MICAL2: variants seen among roughly 807,000 people sequenced by gnomAD.
MICAL2 encodes the protein microtubule associated monooxygenase, calponin and LIM domain containing 2.
MICAL2 carries 77 observed loss-of-function variants against 127.3 expected under a neutral mutation model. That is an observed-to-expected ratio of 0.60 (90% CI 0.50 to 0.73). The LOEUF is 0.73. Among genes scored for constraint, MICAL2 ranks in the 30% least tolerant of loss-of-function variants. The pLI is 0.00. For synonymous variants in MICAL2, 570 were observed against 551.1 expected, an observed-to-expected ratio of 1.03 and a Z score of -0.48; for missense variants, 1,351 against 1,434.4, an observed-to-expected ratio of 0.94 and a Z score of 0.94.
Position 12,262,494 on chromosome 11 carries a change from C to G in MICAL2, c.3349C>G (p.Pro1117Ala), listed in dbSNP as rs970574548. 3.7e-6 allele frequency: 6 copies of G among 1,613,880 alleles called. No individual in the cohort carries two copies. Among genetic ancestry groups the G allele is most frequent in the Non-Finnish European group, 5.1e-6 (6 of 1,179,998 alleles). ...ATGGCCATCAGTTCATTTCAGCCTTCCAGTGCTACACCCACTTCTTGGCTG... is the reference window on the plus strand; with the variant it reads ...ATGGCCATCAGTTCATTTCAGCCTTGCAGTGCTACACCCACTTCTTGGCTG... ...EGSPPVHFSLPVLHPLLG is the reference protein window; with the variant it reads ...EGSPPVHFSLAVLHPLLG The change falls in exon 27 of 28, where the codon CCA becomes GCA. Residue 1117 changes from proline (P) to alanine (A), a missense_variant. Physicochemically the swap from Pro to Ala is conservative, Grantham distance 27 (BLOSUM62 -1). Transcript: ENST00000683283.
intron 15 of MICAL2, among the ~76,000 whole-genome samples, chr11:12,227,927 G>A (rs1455504887): frequency 2.0e-5 from 3 of 152,220 alleles, no homozygotes; most frequent in Non-Finnish European, 2.9e-5. Context: ...ATGGGACACA[G>A]TTTGGGCATC....
At chr11:12,290,820 T>C (rs1565295137), downstream of MICAL2, among the ~76,000 whole-genome samples, 2 of 152,074 alleles carry the variant, frequency 1.3e-5, no homozygotes, top group Non-Finnish European at 2.9e-5. Flanking sequence ...CGCATTGATG[T>C]ATGGGGGAAG....
At chr11:12,149,881 C>T (rs756130591) in intron 2 of MICAL2, among the ~76,000 whole-genome samples, 18 of 152,156 alleles carry the variant, frequency 1.2e-4, no homozygotes, top group East Asian at 1.9e-4. Context: ...AGGAGTGTTA[C>T]GGTCCATGAC....
chr11:12,227,676 AG>A (rs1475725317), intron 15 of MICAL2, among the ~76,000 whole-genome samples: 3 of 152,208 alleles, frequency 2.0e-5, no homozygotes, highest in African/African-American at 7.2e-5. Flanking sequence ...CTTGCCTTTG[AG>A]GAGCTCGGAG....
intron 13 of MICAL2, among the ~76,000 whole-genome samples, chr11:12,225,040 T>C (rs1445304192): frequency 6.6e-6 from 1 of 152,188 alleles, no homozygotes. Flanking sequence ...TCCGGCTTAG[T>C]GATGGCACTC....
intron 2 of MICAL2, among the ~76,000 whole-genome samples, chr11:12,149,070 T>A (rs7102041): frequency 3.2e-4 from 49 of 152,076 alleles, no homozygotes; most frequent in Non-Finnish European, 3.5e-4. Flanking sequence ...TGTGACACTC[T>A]GCTGCCTTTG....
intron 15 of MICAL2, among the ~76,000 whole-genome samples, chr11:12,228,772 G>A (rs1303270607): frequency 6.6e-6 from 1 of 152,212 alleles, no homozygotes; most frequent in Admixed American, 6.5e-5. Flanking sequence ...CTGAGGACAG[G>A]CTATGGGATT....
At chr11:12,116,223 CTG>C (rs1303925662) in intron 1 of MICAL2, among the ~76,000 whole-genome samples, 1 of 152,016 alleles carries the variant, frequency 6.6e-6, no homozygotes, top group Non-Finnish European at 1.5e-5. Flanking sequence ...CGTGATCCAC[CTG>C]CCTCGGCCTC....
chr11:12,281,399 T>A (rs1425414878), intron 2 of MICAL2, among the ~76,000 whole-genome samples: 1 of 152,128 alleles, frequency 6.6e-6, no homozygotes, highest in Non-Finnish European at 1.5e-5. Context: ...CTCTCTTGCC[T>A]GGAGTGATCG....
intron 3 of MICAL2, chr11:12,196,190 T>A (rs1402227167): frequency 6.5e-6 from 1 of 153,282 alleles, no homozygotes; most frequent in African/African-American, 2.4e-5. Context: ...TATTGGTGGA[T>A]TGGTTGTGAG....
intron 13 of MICAL2, among the ~76,000 whole-genome samples, chr11:12,225,098 C>T (rs3816920): frequency 0.048 from 7,187 of 149,380 alleles, 352 homozygotes; most frequent in East Asian, 0.27. Flanking sequence ...CCCATCACCA[C>T]ACTCTTTGGA....
At chr11:12,175,469 C>A (rs1856734332) in intron 3 of MICAL2, among the ~76,000 whole-genome samples, 1 of 152,086 alleles carries the variant, frequency 6.6e-6, no homozygotes, top group African/African-American at 2.4e-5. Context: ...GAGCAAGACT[C>A]TGGGTCGAAA....
intron 8 of MICAL2, among the ~76,000 whole-genome samples, chr11:12,217,519 C>T (rs925591589): frequency 2.0e-5 from 3 of 152,202 alleles, no homozygotes; most frequent in Non-Finnish European, 4.4e-5. Flanking sequence ...CTTCTTCCCT[C>T]TGCCTCACAG....
intron 2 of MICAL2, among the ~76,000 whole-genome samples, chr11:12,145,447 T>C (rs1488554878): frequency 6.6e-6 from 1 of 152,114 alleles, no homozygotes. Context: ...GCGACAATGA[T>C]CTACTGGGAA....
intron 1 of MICAL2, among the ~76,000 whole-genome samples, chr11:12,279,488 A>G (rs1362415118): frequency 6.6e-6 from 1 of 152,194 alleles, no homozygotes; most frequent in Non-Finnish European, 1.5e-5. Flanking sequence ...GCCCTGGATC[A>G]CACAGCCTTC....
chr11:12,315,043 A>G (rs1238459182), intron 29 of MICAL2, among the ~76,000 whole-genome samples: 1 of 152,054 alleles, frequency 6.6e-6, no homozygotes, highest in East Asian at 1.9e-4. Context: ...TCTGCTGAGG[A>G]TAATTCTGCC....
At chr11:12,352,421 C>A (rs148318958) in intron 33 of MICAL2, among the ~76,000 whole-genome samples, 4 of 152,160 alleles carry the variant, frequency 2.6e-5, no homozygotes, top group Non-Finnish European at 5.9e-5. Flanking sequence ...AGCTCCATGG[C>A]GACAGAAGGG....
intron 34 of MICAL2, among the ~76,000 whole-genome samples, chr11:12,355,678 TCGC>T: frequency 6.6e-6 from 1 of 152,346 alleles, no homozygotes. Context: ...TTAGGTATTT[TCGC>T]GCCCAATTTA....
chr11:12,283,640 T>C (rs539349136), intron 2 of MICAL2, among the ~76,000 whole-genome samples: 97 of 152,292 alleles, frequency 6.4e-4, no homozygotes, highest in African/African-American at 2.3e-3. Context: ...GGTGAGGTGG[T>C]GATGGCTGCA....
Sources: gnomAD v4.1 joint callset for allele counts (sites outside exome capture counted in the v4.1 genomes callset) on GRCh38, gnomAD v4.1.1 for gene constraint, MANE v1.5 for transcripts, NCBI Gene and HGNC (gene_info 2026-07-23, HGNC 2026-07-21) for gene names.